The following MTCL2 variants were observed in gnomAD, a reference collection of about 807,000 sequenced individuals.
MTCL2 encodes microtubule cross-linking factor 2.
the MTCL2 span, among the ~76,000 whole-genome samples, chr20:36,824,946 T>C: frequency 3.3e-5 from 5 of 151,186 alleles, no homozygotes; most frequent in Admixed American, 1.3e-4. Context: ...TTGTACACTT[T>C]TTTTTTTTTT....
chr20:36,841,281 C>T, the MTCL2 span, among the ~76,000 whole-genome samples: 8 of 150,794 alleles, frequency 5.3e-5, no homozygotes, highest in Non-Finnish European at 7.4e-5. Context: ...TGCAGTGAGC[C>T]GAGATTGCAC....
chr20:36,784,956 T>C, the MTCL2 span: 6 of 985,420 alleles, frequency 6.1e-6, no homozygotes, highest in Non-Finnish European at 4.8e-6. Flanking sequence ...ACACTCTTAA[T>C]AGAGCTTTAG....
At chr20:36,796,873 T>C in the MTCL2 span, 112 of 1,613,710 alleles carry the variant, frequency 6.9e-5, 1 homozygote, top group South Asian at 1.2e-3. Context: ...GGGACCAGCA[T>C]GCAAGCACCT....
chr20:36,796,465 G>A, the MTCL2 span, among the ~76,000 whole-genome samples: 2 of 152,210 alleles, frequency 1.3e-5, no homozygotes, highest in Non-Finnish European at 2.9e-5. Context: ...GTCTTGGGGT[G>A]GGGGTCTCCT....
At chr20:36,778,097 TGA>T in the MTCL2 span, 1 of 385,886 alleles carries the variant, frequency 2.6e-6, no homozygotes, top group Non-Finnish European at 4.6e-6. Flanking sequence ...CCAAGACAAG[TGA>T]GAGAGGTGAG....
the MTCL2 span, chr20:36,829,196 G>C: frequency 6.2e-7 from 1 of 1,610,552 alleles, no homozygotes; most frequent in Non-Finnish European, 8.5e-7. Flanking sequence ...CAGCCGCATG[G>C]AGATGTCCTT....
the MTCL2 span, among the ~76,000 whole-genome samples, chr20:36,840,986 G>C: frequency 2.6e-5 from 4 of 151,800 alleles, no homozygotes; most frequent in African/African-American, 7.3e-5. Flanking sequence ...TCACCAGGAA[G>C]ATACACAGTA....
chr20:36,786,610 A>C, the MTCL2 span: 30 of 1,550,584 alleles, frequency 1.9e-5, no homozygotes, highest in Non-Finnish European at 2.4e-5. Flanking sequence ...GAGGTGAGAG[A>C]CTGGGTACTA....
the MTCL2 span, among the ~76,000 whole-genome samples, chr20:36,848,078 G>C: frequency 6.6e-6 from 1 of 152,250 alleles, no homozygotes. Context: ...GAGCCCAGGA[G>C]TTCCAGGCTG....
At chr20:36,810,113 G>A in the MTCL2 span, 3 of 1,590,170 alleles carry the variant, frequency 1.9e-6, no homozygotes, top group Non-Finnish European at 2.6e-6. Flanking sequence ...TTGATCTGTG[G>A]TACAGACAGG....
At chr20:36,785,535 TG>T in the MTCL2 span, 1 of 985,290 alleles carries the variant, frequency 1.0e-6, no homozygotes, top group Admixed American at 6.2e-5. Flanking sequence ...AATCTCTTAC[TG>T]GGAATATCTT....
chr20:36,841,875 GTGTGT>G, the MTCL2 span, among the ~76,000 whole-genome samples: 7 of 24,838 alleles, frequency 2.8e-4, no homozygotes, highest in Admixed American at 1.1e-3. Flanking sequence ...GGGGGGTGGG[GTGTGT>G]GTGTGTGTGT....
the MTCL2 span, chr20:36,810,133 T>TAATGAGGAGGGAGAGAGAGG: frequency 1.0e-5 from 16 of 1,573,432 alleles, no homozygotes; most frequent in Non-Finnish European, 1.3e-5. Context: ...GGGACACAGA[T>TAATGAGGAGGGAGAGAGAGG]AATGAGGAGG....
the MTCL2 span, among the ~76,000 whole-genome samples, chr20:36,807,865 CTTTTTTTTTTT>C: frequency 3.9e-4 from 21 of 53,510 alleles, no homozygotes; most frequent in South Asian, 7.5e-4. Context: ...GAAACCCTGT[CTTTTTTTTTTT>C]TTTTTTTTTT....
the MTCL2 span, among the ~76,000 whole-genome samples, chr20:36,830,877 C>T: frequency 1.3e-5 from 2 of 152,170 alleles, no homozygotes; most frequent in East Asian, 3.8e-4. Flanking sequence ...AACTGAAGCC[C>T]AGAGAAGGGC....
the MTCL2 span, chr20:36,786,506 C>G: frequency 1.9e-6 from 3 of 1,547,762 alleles, no homozygotes; most frequent in South Asian, 1.2e-5. Flanking sequence ...GGGGGAGTGC[C>G]CTCTCCTCCC....
chr20:36,830,722 TCTC>T, the MTCL2 span, among the ~76,000 whole-genome samples: 2 of 152,216 alleles, frequency 1.3e-5, no homozygotes, highest in East Asian at 3.9e-4. Context: ...TGTACCTCAG[TCTC>T]CTCAACTATA....
At chr20:36,783,727 T>C in the MTCL2 span, 1 of 981,608 alleles carries the variant, frequency 1.0e-6, no homozygotes, top group Non-Finnish European at 1.2e-6. Context: ...GCTTTGGGAA[T>C]GTTACCAAGA....
chr20:36,806,524 TTTA>T, the MTCL2 span, among the ~76,000 whole-genome samples: 1 of 151,930 alleles, frequency 6.6e-6, no homozygotes, highest in African/African-American at 2.4e-5. Flanking sequence ...TCTGTGTCTC[TTTA>T]TTTTTTTTTT....
Sources: gnomAD v4.1 joint callset for allele counts (sites outside exome capture counted in the v4.1 genomes callset) on GRCh38, gnomAD v4.1.1 for gene constraint, MANE v1.5 for transcripts, NCBI Gene and HGNC (gene_info 2026-07-23, HGNC 2026-07-21) for gene names.